Variants in ANO2 observed in about 807,000 individuals in gnomAD.
ANO2 encodes anoctamin 2, also known as anoctamin-2.
A neutral mutation model predicts 124.2 loss-of-function variants in ANO2; 101 were observed. The ratio of observed to expected loss-of-function variants is 0.81; its 90% confidence interval spans 0.69 to 0.96. The LOEUF is 0.96. Ranked by LOEUF, ANO2 falls within the 40% of genes least tolerant of loss-of-function variation. ANO2 has a pLI of 0.00. For missense variants in ANO2, 1,293 were observed against 1,274.5 expected, an observed-to-expected ratio of 1.01 and a Z score of -0.22; for synonymous variants, 486 against 482.5, an observed-to-expected ratio of 1.01 and a Z score of -0.09.
chr12:5,797,275 G>T (rs1407439526), intron 10 of ANO2, among the ~76,000 whole-genome samples: 1 of 152,164 alleles, frequency 6.6e-6, no homozygotes, highest in African/African-American at 2.4e-5. Context: ...AGAGGAAGTG[G>T]CAAAAGAGAG....
chr12:5,919,798 T>C (rs1439205906), intron 3 of ANO2, among the ~76,000 whole-genome samples: 4 of 151,888 alleles, frequency 2.6e-5, no homozygotes, highest in Non-Finnish European at 4.4e-5. Flanking sequence ...CCCAGGTTCA[T>C]GCCATTCTCC....
At position 5,739,297 on chromosome 12, in the gene ANO2, A is replaced by T. The variant is rs1950998334; in HGVS notation, c.1434+20T>A. ...GCAAAAGCCCACAGAAGTATGTGAG[A>T]AATACGTGAGAGAACTCACTTCTTC... On this transcript the variant is annotated intron_variant, in intron 13 of 24. Coordinates refer to ENST00000682330, the MANE Select transcript of ANO2 (RefSeq NM_001364791.2). The T allele has an allele frequency of 6.3e-7, 1 of 1,576,694 alleles. No homozygotes were observed. Among genetic ancestry groups the T allele is most frequent in the African/African-American group, 1.3e-5 (1 of 74,208 alleles).
At chr12:5,860,356 CCTT>C (rs1955228200) in intron 3 of ANO2, among the ~76,000 whole-genome samples, 1 of 152,266 alleles carries the variant, frequency 6.6e-6, no homozygotes, top group Non-Finnish European at 1.5e-5. Context: ...CATCTCATAC[CCTT>C]CTTCTCTGCT....
rs148057239 is a variant in ANO2 at position 5,734,857 on chromosome 12, C to A, written c.1435-2227G>T. 4.6e-5 allele frequency among the ~76,000 whole-genome samples: 7 copies of A among 152,288 alleles called. No individual in the cohort carries two copies. In the East Asian group the frequency reaches 1.4e-3, roughly 29 times the overall value. On this transcript the variant is annotated intron_variant, in intron 13 of 24. Coordinates refer to ENST00000682330, the MANE Select transcript of ANO2 (RefSeq NM_001364791.2). The stretch of plus-strand genomic sequence containing the variant: ...TAGAGATGGGGTTTCACCATGTTGA[C>A]CAAGCTGGTCTTGAACTCCTAACCT...
In ANO2 at chr12:5,900,973, G is replaced by A. The variant is rs1327727356; in HGVS notation, c.534+20067C>T. Reference sequence around the variant, plus strand: ...ATTCATCAATTCAGACGTTCTCCTGGGGAGGGCCTTGACTTCAGATGAGGT... The same window carrying A: ...ATTCATCAATTCAGACGTTCTCCTGAGGAGGGCCTTGACTTCAGATGAGGT... On this transcript the variant is annotated intron_variant, in intron 3 of 24. Transcript: ENST00000682330. This position sits in a 1 kb window ranked among gnomAD's most constrained non-coding sequence, Gnocchi z 4.2. 1.3e-5 allele frequency among the ~76,000 whole-genome samples: 2 copies of A among 152,270 alleles called. No homozygotes were observed. The highest frequency in any genetic ancestry group is 1.3e-4 in the Admixed American group (2 of 15,294).
intron 14 of ANO2, among the ~76,000 whole-genome samples, chr12:5,707,233 T>G (rs1289265605): frequency 6.6e-6 from 1 of 152,168 alleles, no homozygotes; most frequent in Non-Finnish European, 1.5e-5. Context: ...CCATATAAGA[T>G]GTGCTTTGCC....
intron 12 of ANO2, chr12:5,739,847 C>G: frequency 2.2e-6 from 1 of 450,350 alleles, no homozygotes; most frequent in South Asian, 1.6e-5. Context: ...GCGCCACTTG[C>G]CTCATTTGGG....
chr12:5,732,205 G>A (rs374774883), intron 14 of ANO2, among the ~76,000 whole-genome samples: 1 of 152,144 alleles, frequency 6.6e-6, no homozygotes, highest in African/African-American at 2.4e-5. Context: ...TGGTCTGGTG[G>A]GGTATTGAAT....
chr12:5,661,573 G>A (rs1430788252), intron 14 of ANO2, among the ~76,000 whole-genome samples: 1 of 152,124 alleles, frequency 6.6e-6, no homozygotes, highest in African/African-American at 2.4e-5. Context: ...GAGAGCTGGG[G>A]CTTGGCACTC....
At chr12:5,869,114 G>A (rs374386165) in intron 3 of ANO2, among the ~76,000 whole-genome samples, 135 of 152,218 alleles carry the variant, frequency 8.9e-4, no homozygotes, top group African/African-American at 2.4e-3. Flanking sequence ...AGTAGGGGTC[G>A]AGAAGCCTGC....
chr12:5,804,641 A>T (rs1408882274), intron 9 of ANO2, among the ~76,000 whole-genome samples: 1 of 152,240 alleles, frequency 6.6e-6, no homozygotes, highest in East Asian at 1.9e-4. Flanking sequence ...CCAAAGAGAA[A>T]CATTTTCTGA....
chr12:5,945,893 C>T (rs1336969711), upstream of ANO2, among the ~76,000 whole-genome samples: 1 of 152,154 alleles, frequency 6.6e-6, no homozygotes. Context: ...TCCCATGAGA[C>T]GCTAGGAGGG....
rs1944561696 is a variant in ANO2 at position 5,611,837 on chromosome 12, C to T, written c.2087+819G>A. ...GAATGGTCATCTTTAAAGTGATTTTCGAAGAACCCTGGGCCTGGAACAAGC... is the reference window on the plus strand; with the variant it reads ...GAATGGTCATCTTTAAAGTGATTTTTGAAGAACCCTGGGCCTGGAACAAGC... On this transcript the variant is annotated intron_variant, in intron 19 of 24. Coordinates refer to ENST00000682330, the MANE Select transcript of ANO2 (RefSeq NM_001364791.2). Among the ~76,000 whole-genome samples, 4 of 152,232 alleles carry T rather than the reference C, an allele frequency of 2.6e-5. 1 individual carries two copies. The South Asian group carries it at 6.2e-4, about 24-fold the overall frequency.
At chr12:5,696,385 A>G (rs1047279545) in intron 14 of ANO2, among the ~76,000 whole-genome samples, 2 of 152,214 alleles carry the variant, frequency 1.3e-5, no homozygotes, top group Non-Finnish European at 2.9e-5. Flanking sequence ...CATACCAATA[A>G]CTTGAAAATA....
chr12:5,635,327 G>C lies in ANO2; in HGVS notation c.1641C>G (p.Ile547Met). Residue 547 changes from isoleucine to methionine, a missense_variant, in exon 16 of 25, where the codon ATC becomes ATG. Physicochemically the swap from Ile to Met is conservative, Grantham distance 10. Transcript: ENST00000682330. This position sits in a 1 kb window ranked among gnomAD's most constrained non-coding sequence, Gnocchi z 5.2. The stretch of plus-strand genomic sequence containing the variant: ...TTCGATACACTATCACCCCAAAGAC[G>C]ATTGAGAATGTCAGGGCAATCTGTT... Reference protein sequence around the residue: ...ILFMIALTFSIVFGVIVYRIT... With the variant: ...ILFMIALTFSMVFGVIVYRIT... 1.9e-6 allele frequency: 3 copies of C among 1,580,380 alleles called. No homozygotes were observed. Among genetic ancestry groups the C allele is most frequent in the Non-Finnish European group, 2.6e-6 (3 of 1,167,510 alleles).
Position 5,832,577 on chromosome 12 carries a change from G to T in ANO2, c.660C>A (p.Ser220Arg). 6.2e-7 allele frequency: 1 copy of T among 1,613,672 alleles called. No individual in the cohort carries two copies. Among genetic ancestry groups the T allele is most frequent in the Non-Finnish European group, 8.5e-7 (1 of 1,179,766 alleles). The change falls in exon 5 of 25, where the codon AGC becomes AGA. Residue 220 changes from serine to arginine, a missense_variant. Physicochemically the swap from Ser to Arg is moderately radical, Grantham distance 110 (BLOSUM62 -1). Transcript: ENST00000682330. ...KKMYEIKAGG[S>R]IAKKFSAALQ... is the part of the protein sequence containing the mutation. ...GAGCCGCGCTGAACTTCTTTGCAATGCTGCCTCCTGCTTTGATCTCGTACA... is the reference window on the plus strand; with the variant it reads ...GAGCCGCGCTGAACTTCTTTGCAATTCTGCCTCCTGCTTTGATCTCGTACA...
intron 15 of ANO2, among the ~76,000 whole-genome samples, chr12:5,640,225 G>A (rs1408625154): frequency 2.0e-5 from 3 of 152,252 alleles, no homozygotes; most frequent in South Asian, 2.1e-4. Flanking sequence ...CCTTCCTAAT[G>A]CCCATGGTCC....
At position 5,827,773 on chromosome 12, in the gene ANO2, C is replaced by A; in HGVS notation, c.888G>T (p.Thr296=). 6.2e-7 allele frequency: 1 copy of A among 1,611,042 alleles called. No individual in the cohort carries two copies. The highest frequency in any genetic ancestry group is 8.5e-7 in the Non-Finnish European group (1 of 1,178,810). ...KRTACSRANN[T]MGINSLIANN... is the part of the protein sequence containing the mutation. The stretch of plus-strand genomic sequence containing the variant: ...CCCGCGGGCTGGGGTCCTTACCCAT[C>A]GTGTTGTTGGCTCGGGAGCAGGCTG... Residue 296 remains threonine (T), a synonymous_variant, in exon 7 of 25, where the codon ACG becomes ACT. Transcript: ENST00000682330.
At chr12:5,780,029 T>C (rs542675085) in intron 10 of ANO2, among the ~76,000 whole-genome samples, 1 of 152,302 alleles carries the variant, frequency 6.6e-6, no homozygotes, top group South Asian at 2.1e-4. Context: ...TGGTATTGTA[T>C]CAATGTTAAA....
Sources: allele counts gnomAD v4.1 joint callset (sites outside exome capture counted in the v4.1 genomes callset), GRCh38; gene constraint gnomAD v4.1.1; non-coding constraint Gnocchi (gnomAD v3.1); transcripts MANE v1.5; gene names NCBI Gene and HGNC (gene_info 2026-07-23, HGNC 2026-07-21).